The following SLCO1B3 variants were observed in gnomAD, a reference collection of about 807,000 sequenced individuals.
SLCO1B3 encodes the protein solute carrier organic anion transporter family member 1B3.
Under a neutral mutation model 71.8 loss-of-function variants are expected in SLCO1B3, and 72 were observed. The ratio of observed to expected loss-of-function variants is 1.00; its 90% CI spans 0.83 to 1.22. The LOEUF (loss-of-function observed/expected upper bound fraction) is 1.22. Among genes scored for constraint, SLCO1B3 ranks in the 50% most tolerant of loss-of-function variants. SLCO1B3 has a pLI of 0.00. For missense variants in SLCO1B3, 911 were observed against 819.7 expected (o/e 1.11, Z -1.36); for synonymous variants, 298 against 278.4 (o/e 1.07, Z -0.70).
rs563680912 is a variant in SLCO1B3 at position 20,816,056 on chromosome 12, A to C, written c.84+234A>C. ...ATGAATAAAGGTTTATTTATTTTTA[A>C]CTTTTTAATTTTTAATTTTTGTGGG... On this transcript the variant is annotated intron_variant, in intron 3 of 15. Transcript: ENST00000381545. Among the ~76,000 whole-genome samples, 8 of 152,262 alleles carry C rather than the reference A, an allele frequency of 5.3e-5. No homozygotes were observed. In the South Asian group the frequency reaches 1.7e-3, roughly 32 times the overall value.
chr12:20,861,274 A>T (rs1865260709), intron 6 of SLCO1B3, 136 bp downstream of exon 6: 1 of 737,050 alleles, frequency 1.4e-6, no homozygotes, highest in Admixed American at 3.7e-5. Context: ...TACAGACAAA[A>T]TCATACTGTT....
intron 3 of SLCO1B3, among the ~76,000 whole-genome samples, chr12:20,831,870 A>G (rs750828146): frequency 1.3e-5 from 2 of 152,240 alleles, no homozygotes; most frequent in Non-Finnish European, 2.9e-5. Context: ...CTTACTATAT[A>G]TGAGATATTG....
chr12:20,852,249 A>G (rs1026768938), intron 3 of SLCO1B3, among the ~76,000 whole-genome samples: 2 of 152,136 alleles, frequency 1.3e-5, no homozygotes, highest in African/African-American at 2.4e-5. Context: ...CTGAGGCTGG[A>G]GGATCACTTG....
In SLCO1B3 at chr12:20,862,844, T is replaced by C. The variant is rs1865298182; in HGVS notation, c.717T>C (p.Tyr239=). ...LFAKMYVDIG[Y]VDLSTIRITP... ...CTAAAATGTACGTGGATATTGGATA[T>C]GTAGATCTGAGTAAGTACAATTAGA... The change falls in exon 8 of 16, where the codon TAT becomes TAC. Residue 239 remains tyrosine (Y), a synonymous_variant. Coordinates refer to ENST00000381545, the MANE Select transcript of SLCO1B3 (RefSeq NM_019844.4). The C allele has an allele frequency of 1.3e-6, 2 of 1,575,764 alleles. No individual in the cohort carries two copies. Among genetic ancestry groups the C allele is most frequent in the Non-Finnish European group, 8.7e-7 (1 of 1,145,432 alleles).
At chr12:20,822,040 G>A (rs868474783) in intron 3 of SLCO1B3, among the ~76,000 whole-genome samples, 5 of 152,186 alleles carry the variant, frequency 3.3e-5, no homozygotes, top group African/African-American at 9.6e-5. Context: ...GCCGCTTACC[G>A]GATTTGAAAT....
At chr12:20,857,819 A>G (rs537960940) in intron 4 of SLCO1B3, among the ~76,000 whole-genome samples, 1 of 152,240 alleles carries the variant, frequency 6.6e-6, no homozygotes, top group African/African-American at 2.4e-5. Flanking sequence ...ATAAATCTGA[A>G]TTGGTCTACT....
intron 3 of SLCO1B3, among the ~76,000 whole-genome samples, chr12:20,833,558 T>C (rs1183249857): frequency 6.7e-6 from 1 of 148,474 alleles, no homozygotes; most frequent in Non-Finnish European, 1.5e-5. Context: ...TACACATATG[T>C]TTACTATATA....
intron 4 of SLCO1B3, among the ~76,000 whole-genome samples, chr12:20,857,467 C>T (rs1482824507): frequency 1.3e-5 from 2 of 151,718 alleles, no homozygotes; most frequent in African/African-American, 4.8e-5. Context: ...TATGTTTCAT[C>T]AATTTTCTCT....
chr12:20,855,124 A>G lies in SLCO1B3; in HGVS notation c.181A>G (p.Ile61Val), dbSNP rs190960788. 1 of 1,612,052 alleles carries G rather than the reference A, an allele frequency of 6.2e-7. No individual in the cohort carries two copies. Among genetic ancestry groups the G allele is most frequent in the Non-Finnish European group, 8.5e-7 (1 of 1,179,094 alleles). ...SITQIERRFD[I>V]SSSLAGLIDG... ...CACTCAAATAGAAAGGAGATTTGAC[A>G]TATCCTCTTCTCTTGCTGGTTTAAT... is the stretch of plus-strand genomic sequence containing the variant. The change falls in exon 4 of 16, where the codon ATA becomes GTA. Residue 61 changes from isoleucine to valine, a missense_variant. Physicochemically the swap from Ile to Val is conservative, Grantham distance 29 (BLOSUM62 3). Transcript: ENST00000381545.
At chr12:20,893,777 T>C (rs1468685941) in intron 13 of SLCO1B3, among the ~76,000 whole-genome samples, 1 of 152,158 alleles carries the variant, frequency 6.6e-6, no homozygotes, top group Non-Finnish European at 1.5e-5. Flanking sequence ...GTAAACCATG[T>C]GGAATGAGAG....
At chr12:20,892,422 A>G (rs1004576552) in intron 13 of SLCO1B3, among the ~76,000 whole-genome samples, 5 of 152,150 alleles carry the variant, frequency 3.3e-5, no homozygotes, top group African/African-American at 1.2e-4. Flanking sequence ...TTTATGTTCA[A>G]TGCTAGACGT....
intron 1 of SLCO1B3, 125 bp downstream of exon 1, chr12:20,810,889 C>T (rs1205201448): frequency 2.6e-5 from 4 of 152,060 alleles, no homozygotes; most frequent in Non-Finnish European, 5.9e-5. Context: ...GTGTCTTCTC[C>T]ACACTTTTGT....
rs571013626 is a variant in SLCO1B3 at position 20,847,500 on chromosome 12, T to C, written c.85-7528T>C. On this transcript the variant is annotated intron_variant, in intron 3 of 15. Transcript: ENST00000381545. Reference sequence around the variant, plus strand: ...GGCCTTCACCAGAATTCAACTGTGTTGGCCCCTTGATCTCAGACAACCCAG... The same window carrying C: ...GGCCTTCACCAGAATTCAACTGTGTCGGCCCCTTGATCTCAGACAACCCAG... Among the ~76,000 whole-genome samples, 6 of 152,114 alleles carry C rather than the reference T, an allele frequency of 3.9e-5. No homozygotes were observed. The East Asian group carries it at 1.2e-3, about 30-fold the overall frequency.
At chr12:20,845,296 TGACCC>T (rs1864893050) in intron 3 of SLCO1B3, 14 of 288,510 alleles carry the variant, frequency 4.9e-5, no homozygotes, top group Non-Finnish European at 7.6e-5. Flanking sequence ...TGAAAAGGTT[TGACCC>T]TGATCAACAA....
intron 15 of SLCO1B3, 30 bp from the exon 16 acceptor site, chr12:20,915,974 T>C: frequency 6.6e-7 from 1 of 1,515,384 alleles, no homozygotes; most frequent in Non-Finnish European, 9.0e-7. Context: ...TTTAAAATAA[T>C]AATCGACTCT....
At chr12:20,886,421 A>T (rs1347784024) in intron 13 of SLCO1B3, among the ~76,000 whole-genome samples, 1 of 152,018 alleles carries the variant, frequency 6.6e-6, no homozygotes, top group African/African-American at 2.4e-5. Flanking sequence ...ACATCCTAGG[A>T]ACAACAGGCA....
At chr12:20,825,078 C>G (rs774225228) in intron 3 of SLCO1B3, among the ~76,000 whole-genome samples, 7 of 152,100 alleles carry the variant, frequency 4.6e-5, no homozygotes, top group Non-Finnish European at 1.0e-4. Flanking sequence ...ATAAACAAAT[C>G]TATTAAATTT....
At chr12:20,849,165 T>C (rs948087671) in intron 3 of SLCO1B3, among the ~76,000 whole-genome samples, 8 of 151,998 alleles carry the variant, frequency 5.3e-5, no homozygotes, top group African/African-American at 1.9e-4. Context: ...TTAAAAAATT[T>C]TTCAAGAAAA....
At chr12:20,914,265 AGTTT>A (rs1416176199) in intron 15 of SLCO1B3, among the ~76,000 whole-genome samples, 2 of 151,892 alleles carry the variant, frequency 1.3e-5, no homozygotes, top group Non-Finnish European at 2.9e-5. Flanking sequence ...CTCATTTGTT[AGTTT>A]ATTAGTTGTA....
Sources: gnomAD v4.1 joint callset for allele counts (sites outside exome capture counted in the v4.1 genomes callset) on GRCh38, gnomAD v4.1.1 for gene constraint, MANE v1.5 for transcripts, NCBI Gene and HGNC (gene_info 2026-07-23, HGNC 2026-07-21) for gene names.